The following THRB variants were observed in gnomAD, a reference collection of about 807,000 sequenced individuals.
THRB encodes nuclear receptor subfamily 1 group A member 2.
Under a neutral mutation model 47.8 loss-of-function variants are expected in THRB, and 12 were observed. The ratio of observed to expected loss-of-function variants is 0.25; its 90% CI spans 0.16 to 0.41. The LOEUF (loss-of-function observed/expected upper bound fraction) is 0.41. Ranked by LOEUF, THRB falls within the 10% of genes least tolerant of loss-of-function variation. The probability of loss-of-function intolerance (pLI) is 1.00; values close to 1 mark genes in which losing one functional copy is unlikely to be tolerated. For missense variants in THRB, 348 were observed against 589.2 expected (o/e 0.59, Z 4.24); for synonymous variants, 218 against 212.2 (o/e 1.03, Z -0.24).
chr3:24,183,321 A>G (rs1000902541), intron 5 of THRB, among the ~76,000 whole-genome samples: 3 of 150,286 alleles, frequency 2.0e-5, no homozygotes, highest in Admixed American at 6.6e-5. Context: ...GGCTTTATAC[A>G]TATTATCTTT....
In THRB at chr3:24,118,555, T is replaced by C. The variant is rs2031059560; in HGVS notation, c.*4329A>G. ...AAAAGGATTTTCTACGAAGAAAGCA[T>C]GGAGAACTAATTTGGCTCTATGGTC... On this transcript the variant is annotated 3_prime_UTR_variant, in exon 11 of 11. Coordinates refer to ENST00000646209, the MANE Select transcript of THRB (RefSeq NM_001354712.2). The C allele has an allele frequency of 6.6e-6, 1 of 152,658 alleles. No homozygotes were observed. The highest frequency in any genetic ancestry group is 2.1e-4 in the South Asian group (1 of 4,832). 9.5% of individuals were successfully genotyped at this position (152,658 alleles called of 1,614,324 possible).
chr3:24,198,476 T>TA (rs2044238751), intron 4 of THRB, among the ~76,000 whole-genome samples: 2 of 106,398 alleles, frequency 1.9e-5, no homozygotes, highest in East Asian at 3.3e-4. Flanking sequence ...CTTTTTTTTT[T>TA]AACTACTAGT....
intron 1 of THRB, among the ~76,000 whole-genome samples, chr3:24,383,225 A>C (rs971366834): frequency 6.6e-6 from 1 of 152,120 alleles, no homozygotes; most frequent in African/African-American, 2.4e-5. Flanking sequence ...GAAGACAAAC[A>C]AACAAACAAA....
At chr3:24,322,539 A>G (rs1250973013) in intron 2 of THRB, among the ~76,000 whole-genome samples, 2 of 151,784 alleles carry the variant, frequency 1.3e-5, no homozygotes, top group South Asian at 2.1e-4. Flanking sequence ...AACTCCTGAA[A>G]CTCCTTTCTT....
intron 1 of THRB, among the ~76,000 whole-genome samples, chr3:24,464,944 A>G (rs2125694357): frequency 6.6e-6 from 1 of 152,316 alleles, no homozygotes; most frequent in Middle Eastern, 3.4e-3. Flanking sequence ...TACCCACAAA[A>G]AATAGTTACT....
chr3:24,349,643 T>C lies in THRB; in HGVS notation c.-260-12272A>G, dbSNP rs139416800. Among the ~76,000 whole-genome samples the C allele has an allele frequency of 2.2e-3, 335 of 152,218 alleles. 3 individuals carry two copies. The highest frequency in any genetic ancestry group is 7.9e-3 in the African/African-American group (327 of 41,560). On this transcript the variant is annotated intron_variant, in intron 1 of 10. Transcript: ENST00000646209. ...GTGGTAGGTTAACTGGATACCCATA[T>C]TGTAAAAAATATTTTTGTACCTCAC...
At chr3:24,416,547 G>C (rs2068746095) in intron 1 of THRB, among the ~76,000 whole-genome samples, 1 of 151,880 alleles carries the variant, frequency 6.6e-6, no homozygotes, top group South Asian at 2.1e-4. Context: ...ATTTATAAAA[G>C]ACTAATCCAG....
chr3:24,422,204 T>G (rs1376541590), intron 1 of THRB, among the ~76,000 whole-genome samples: 2 of 151,986 alleles, frequency 1.3e-5, no homozygotes, highest in Non-Finnish European at 2.9e-5. Context: ...TCTATCTAAT[T>G]GTTCACAAAG....
At chr3:24,312,993 G>A (rs115803028) in intron 2 of THRB, among the ~76,000 whole-genome samples, 2 of 152,268 alleles carry the variant, frequency 1.3e-5, no homozygotes, top group African/African-American at 4.8e-5. Flanking sequence ...GTGGGAGTGT[G>A]CAGACTCAGG....
At chr3:24,244,534 C>T (rs528750409) in intron 3 of THRB, among the ~76,000 whole-genome samples, 12 of 152,324 alleles carry the variant, frequency 7.9e-5, no homozygotes, top group Middle Eastern at 3.4e-3. Context: ...TCCTTAATAA[C>T]TTCCACATCT....
rs184533257 is a variant in THRB, at chr3:24,359,470, C to T, written c.-260-22099G>A. ...TAGTGTCTCTTCTGCTGTATTCTCTCAGTCAGTGAAGTCACAAGCCTGCCC... is the reference window on the plus strand; with the variant it reads ...TAGTGTCTCTTCTGCTGTATTCTCTTAGTCAGTGAAGTCACAAGCCTGCCC... On this transcript the variant is annotated intron_variant, in intron 1 of 10. Coordinates refer to ENST00000646209, the MANE Select transcript of THRB (RefSeq NM_001354712.2). 2.2e-4 allele frequency among the ~76,000 whole-genome samples: 33 copies of T among 152,226 alleles called. No homozygotes were observed. In the East Asian group the frequency reaches 6.0e-3, roughly 28 times the overall value.
chr3:24,214,359 A>G (rs2046351792), intron 4 of THRB, among the ~76,000 whole-genome samples: 1 of 152,200 alleles, frequency 6.6e-6, no homozygotes, highest in South Asian at 2.1e-4. Context: ...TTTAAGGTAA[A>G]AAGATAAAAG....
At chr3:24,237,113 A>AT (rs1325150905) in intron 3 of THRB, among the ~76,000 whole-genome samples, 2 of 152,200 alleles carry the variant, frequency 1.3e-5, no homozygotes, top group African/African-American at 4.8e-5. Context: ...GTTAGTAAAA[A>AT]TGTGGAAAAC....
intron 4 of THRB, among the ~76,000 whole-genome samples, chr3:24,226,841 C>T (rs1019929302): frequency 1.3e-5 from 2 of 152,230 alleles, no homozygotes; most frequent in East Asian, 1.9e-4. Flanking sequence ...TATTTATTTA[C>T]ATATAGTCTA....
intron 5 of THRB, among the ~76,000 whole-genome samples, chr3:24,160,459 G>T (rs896149189): frequency 1.3e-5 from 2 of 152,154 alleles, no homozygotes; most frequent in African/African-American, 4.8e-5. Context: ...CATGGCGGGA[G>T]GTATCTGCGG....
intron 3 of THRB, among the ~76,000 whole-genome samples, chr3:24,247,951 C>G (rs1483776821): frequency 1.3e-5 from 2 of 151,580 alleles, no homozygotes; most frequent in Non-Finnish European, 2.9e-5. Flanking sequence ...AGGCTGAAAC[C>G]AATTATTTGA....
Position 24,298,775 on chromosome 3 carries a change from C to T in THRB, c.-188-1404G>A, listed in dbSNP as rs560882810. Among the ~76,000 whole-genome samples the T allele has an allele frequency of 7.2e-5, 11 of 152,256 alleles. No homozygotes were observed. In the South Asian group the frequency reaches 1.2e-3, roughly 17 times the overall value. On this transcript the variant is annotated intron_variant, in intron 2 of 10. Coordinates refer to ENST00000646209, the MANE Select transcript of THRB (RefSeq NM_001354712.2). Reference sequence around the variant, plus strand: ...TTTCCCTCCATTGCTGCATGCACACCGTCTCTCACCTTTGTAACCTCCTGT... The same window carrying T: ...TTTCCCTCCATTGCTGCATGCACACTGTCTCTCACCTTTGTAACCTCCTGT...
chr3:24,466,814 A>T (rs573999413), intron 1 of THRB, among the ~76,000 whole-genome samples: 16 of 152,318 alleles, frequency 1.1e-4, no homozygotes, highest in South Asian at 8.3e-4. Flanking sequence ...ATCTTTTTGC[A>T]GGTGAAGCGT....
At chr3:24,188,305 A>C (rs1488149819) in intron 5 of THRB, among the ~76,000 whole-genome samples, 1 of 152,216 alleles carries the variant, frequency 6.6e-6, no homozygotes, top group African/African-American at 2.4e-5. Context: ...GTACTTTGCT[A>C]AATGCTTAAA....
Sources: allele counts gnomAD v4.1 joint callset (sites outside exome capture counted in the v4.1 genomes callset), GRCh38; gene constraint gnomAD v4.1.1; transcripts MANE v1.5; gene names NCBI Gene and HGNC (gene_info 2026-07-23, HGNC 2026-07-21).